The following PCDHA7 variants were observed in gnomAD, a reference collection of about 807,000 sequenced individuals.
The protein encoded by PCDHA7 is protocadherin alpha-7.
In PCDHA7, 37 loss-of-function variants were observed where a neutral mutation model predicts 57.2. The observed-to-expected ratio is 0.65, with a 90% CI of 0.50 to 0.85. The LOEUF (loss-of-function observed/expected upper bound fraction) is 0.85, where lower values mean the gene tolerates loss of function less well. PCDHA7 is among the 40% of genes least tolerant of loss of function. The pLI is 0.00. For synonymous variants in PCDHA7, 553 were observed against 558.8 expected, an observed-to-expected ratio of 0.99 and a Z score of 0.15; for missense variants, 1,188 against 1,241.8, an observed-to-expected ratio of 0.96 and a Z score of 0.65.
intron 1 of PCDHA7, chr5:140,858,158 G>C: frequency 6.3e-7 from 1 of 1,597,732 alleles, no homozygotes; most frequent in Non-Finnish European, 8.6e-7. Flanking sequence ...CGCCATCTGC[G>C]CGGTGTCCAG....
intron 1 of PCDHA7, among the ~76,000 whole-genome samples, chr5:140,887,198 G>A (rs1276345927): frequency 2.6e-5 from 4 of 151,490 alleles, no homozygotes; most frequent in Admixed American, 2.6e-4. Flanking sequence ...CCGGGTTCAC[G>A]CCATTCTCCT....
chr5:140,913,572 T>C (rs1000646852), intron 1 of PCDHA7, among the ~76,000 whole-genome samples: 1 of 152,146 alleles, frequency 6.6e-6, no homozygotes, highest in Non-Finnish European at 1.5e-5. Context: ...TTTCATCATT[T>C]CAAATATATT....
chr5:140,883,503 C>T (rs782604086), intron 1 of PCDHA7: 7 of 1,614,204 alleles, frequency 4.3e-6, no homozygotes, highest in Non-Finnish European at 5.9e-6. Flanking sequence ...CTGGACAGCG[C>T]CCTGGACCGC....
chr5:140,869,190 C>G (rs536787060), intron 1 of PCDHA7: 1 of 1,613,998 alleles, frequency 6.2e-7, no homozygotes, highest in African/African-American at 1.3e-5. Context: ...TGGGGAGCGG[C>G]CAGCTCCACT....
In PCDHA7 at chr5:140,835,863, CTGG is replaced by C; in HGVS notation, c.1484_1486del (p.Val495del). 6.2e-7 allele frequency: 1 copy of C among 1,612,100 alleles called. No homozygotes were observed. The highest frequency in any genetic ancestry group is 8.5e-7 in the Non-Finnish European group (1 of 1,179,640). ...GAAGAACGCGCTGGTGTCCTACTCGCTGGTGGAGCTGCGGGTGGGCGAGCGCGC... is the reference window on the plus strand; with the variant it reads ...GAAGAACGCGCTGGTGTCCTACTCGCTGGAGCTGCGGGTGGGCGAGCGCGC... On this transcript the variant is annotated inframe_deletion, in exon 1 of 4. Coordinates refer to ENST00000525929, the MANE Select transcript of PCDHA7 (RefSeq NM_018910.3).
chr5:140,926,726 C>T, intron 1 of PCDHA7: 1 of 1,046,502 alleles, frequency 9.6e-7, no homozygotes, highest in Non-Finnish European at 1.3e-6. Flanking sequence ...GCAATGCCGG[C>T]GTTCGGGAGG....
At chr5:140,910,699 C>T (rs2075133738) in intron 1 of PCDHA7, among the ~76,000 whole-genome samples, 1 of 152,180 alleles carries the variant, frequency 6.6e-6, no homozygotes. Flanking sequence ...AGCTTGCTCA[C>T]AGTGGGCCAT....
intron 3 of PCDHA7, among the ~76,000 whole-genome samples, chr5:141,002,660 T>C (rs1366913026): frequency 1.3e-5 from 2 of 152,170 alleles, no homozygotes; most frequent in Admixed American, 1.3e-4. Context: ...AGGGCTCTTG[T>C]CAGGACCAAA....
chr5:140,994,665 A>G (rs555985538), intron 3 of PCDHA7, among the ~76,000 whole-genome samples: 1 of 152,294 alleles, frequency 6.6e-6, no homozygotes, highest in East Asian at 1.9e-4. Flanking sequence ...AGATCACACT[A>G]CTGCACTCCA....
At chr5:140,873,255 C>T (rs1554166636) in intron 1 of PCDHA7, among the ~76,000 whole-genome samples, 1 of 152,074 alleles carries the variant, frequency 6.6e-6, no homozygotes, top group South Asian at 2.1e-4. Context: ...ATTTCAGACT[C>T]AAAAGTGATT....
rs2150454845 is a variant in PCDHA7, at chr5:140,849,865, A to G, written c.2355+13127A>G. On this transcript the variant is annotated intron_variant, in intron 1 of 3. Coordinates refer to ENST00000525929, the MANE Select transcript of PCDHA7 (RefSeq NM_018910.3). ...AACGACAACGCACCAGCGTTCGCGC[A>G]GTCCGAGTACACGGTGTTCGTGAAG... The G allele has an allele frequency of 3.1e-6, 5 of 1,598,572 alleles. 1 individual carries two copies. The Admixed American group carries it at 8.4e-5, about 27-fold the overall frequency.
chr5:140,849,943 A>G lies in PCDHA7; in HGVS notation c.2355+13205A>G, dbSNP rs2150458955. The G allele has an allele frequency of 3.8e-6, 6 of 1,597,666 alleles. 2 individuals carry two copies. In the African/African-American group the frequency reaches 5.4e-5, roughly 14 times the overall value. On this transcript the variant is annotated intron_variant, in intron 1 of 3. Transcript: ENST00000525929. ...TTCACGGTGTCTGCGCGGGACGCTG[A>G]CGCGCAGGAGAACGCCCTGGTGTCC...
At chr5:140,942,527 AACTC>A (rs1420689882) in intron 1 of PCDHA7, among the ~76,000 whole-genome samples, 2 of 152,162 alleles carry the variant, frequency 1.3e-5, no homozygotes, top group Non-Finnish European at 2.9e-5. Flanking sequence ...GGAAGCAACT[AACTC>A]AGTATGGTGG....
intron 1 of PCDHA7, among the ~76,000 whole-genome samples, chr5:140,897,837 C>A: frequency 6.6e-6 from 1 of 152,116 alleles, no homozygotes; most frequent in African/African-American, 2.4e-5. Context: ...TCTCCACATC[C>A]TCTCCAGCAC....
Position 140,845,229 on chromosome 5 carries a change from T to A in PCDHA7, c.2355+8491T>A, listed in dbSNP as rs189699970. Among the ~76,000 whole-genome samples, 147 of 149,698 alleles carry A rather than the reference T, an allele frequency of 9.8e-4. 9 individuals are homozygous for A. The highest frequency in any genetic ancestry group is 3.4e-3 in the African/African-American group (141 of 40,992). ...TAAGTCCTTTTAAAAAATATGATTA[T>A]CTTTATTATCCTGTTTGAATAATAT... On this transcript the variant is annotated intron_variant, in intron 1 of 3. Coordinates refer to ENST00000525929, the MANE Select transcript of PCDHA7 (RefSeq NM_018910.3).
At chr5:140,876,445 A>G in intron 1 of PCDHA7, 1 of 1,614,014 alleles carries the variant, frequency 6.2e-7, no homozygotes, top group Non-Finnish European at 8.5e-7. Context: ...CGCCATTGAT[A>G]AAGGGATTCC....
rs868965340 is a variant in PCDHA7, at chr5:141,007,276, G to A, written c.2504-2351G>A. On this transcript the variant is annotated intron_variant, in intron 3 of 3. Transcript: ENST00000525929. ...TAAAAGAAGCAGATACAGGCTGGGT[G>A]CAGTGGGCTCATGCCTGTAATCTTA... Among the ~76,000 whole-genome samples the A allele has an allele frequency of 3.3e-5, 5 of 151,858 alleles. No homozygotes were observed. In the South Asian group the frequency reaches 8.3e-4, roughly 25 times the overall value.
chr5:140,984,428 G>A (rs2097103075), intron 3 of PCDHA7, among the ~76,000 whole-genome samples: 1 of 152,100 alleles, frequency 6.6e-6, no homozygotes, highest in African/African-American at 2.4e-5. Context: ...ATAGAGAAGG[G>A]GATCTCCCTT....
At chr5:140,891,431 A>G (rs912407002) in intron 1 of PCDHA7, among the ~76,000 whole-genome samples, 1 of 143,446 alleles carries the variant, frequency 7.0e-6, no homozygotes, top group Non-Finnish European at 1.5e-5. Context: ...CAAGTCCCCA[A>G]CGTCCATTGT....
Sources: gnomAD v4.1 joint callset for allele counts (sites outside exome capture counted in the v4.1 genomes callset) on GRCh38, gnomAD v4.1.1 for gene constraint, MANE v1.5 for transcripts, NCBI Gene and HGNC (gene_info 2026-07-23, HGNC 2026-07-21) for gene names.